The following DUS4L variants were observed in gnomAD, a reference collection of about 807,000 sequenced individuals.
The protein encoded by DUS4L is dihydrouridine synthase 4 like, also known as tRNA-dihydrouridine(20a/20b) synthase [NAD(P)+]-like.
DUS4L carries 31 observed loss-of-function variants against 33.8 expected under a neutral mutation model. That is an observed-to-expected ratio of 0.92 (90% CI 0.69 to 1.24). DUS4L has a LOEUF of 1.24. DUS4L is among the 50% of genes most tolerant of loss of function. DUS4L has a pLI of 0.00. For synonymous variants in DUS4L, 103 were observed against 120.3 expected, an observed-to-expected ratio of 0.86 and a Z score of 0.94; for missense variants, 368 against 388.6, an observed-to-expected ratio of 0.95 and a Z score of 0.45.
rs1804294075 is a variant in DUS4L, at chr7:107,564,073, G to A, written c.-247G>A. On this transcript the variant is annotated 5_prime_UTR_variant, in exon 1 of 8. Transcript: ENST00000265720. Reference sequence around the variant, plus strand: ...GGAGCCGCGCAGGTACTCGAGCAGTGGGCGCCCAGGGTCCGAGTGCTCTGC... The same window carrying A: ...GGAGCCGCGCAGGTACTCGAGCAGTAGGCGCCCAGGGTCCGAGTGCTCTGC... 7 of 1,422,004 alleles carry A rather than the reference G, an allele frequency of 4.9e-6. No individual in the cohort carries two copies. The Admixed American group carries it at 1.2e-4, about 24-fold the overall frequency. The allele number at this position is 1,422,004 out of a possible 1,614,324, so 88.1% of individuals were successfully genotyped here. A position where few individuals can be genotyped will look rare whatever the true frequency, so the allele number is the denominator to read the frequency against.
Position 107,577,718 on chromosome 7 carries a change from G to A in DUS4L, c.*158G>A, listed in dbSNP as rs1207066742. On this transcript the variant is annotated 3_prime_UTR_variant, in exon 8 of 8. Transcript: ENST00000265720. ...ATCAGTTGTAGACACCACCCTCAGA[G>A]ATTCTGATTAGGTAGATCTGGAGTA... 4.3e-6 allele frequency: 3 copies of A among 696,500 alleles called. No individual in the cohort carries two copies. The highest frequency in any genetic ancestry group is 6.8e-6 in the Non-Finnish European group (3 of 438,300). The allele number at this position is 696,500 out of a possible 1,614,324, so 43.1% of individuals were successfully genotyped here. A position where few individuals can be genotyped will look rare whatever the true frequency, so the allele number is the denominator to read the frequency against.
At chr7:107,567,660 AT>A in intron 3 of DUS4L, 1 of 314,614 alleles carries the variant, frequency 3.2e-6, no homozygotes, top group South Asian at 2.8e-5. Flanking sequence ...GTAACATAAA[AT>A]TTACCTCTCG....
rs763349766 is a variant in DUS4L, at chr7:107,578,334, G to C, written c.*774G>C. ...GTAACTTTAAAGTCCCATGGTTTTG[G>C]AGTGTTATTAATAGATTTTGTTATC... On this transcript the variant is annotated 3_prime_UTR_variant, in exon 8 of 8. Coordinates refer to ENST00000265720, the MANE Select transcript of DUS4L (RefSeq NM_181581.3). The C allele has an allele frequency of 6.6e-6, 1 of 152,100 alleles. No individual in the cohort carries two copies. Among genetic ancestry groups the C allele is most frequent in the African/African-American group, 2.4e-5 (1 of 41,414 alleles). 9.4% of individuals were successfully genotyped at this position (152,100 alleles called of 1,614,324 possible). A position where few individuals can be genotyped will look rare whatever the true frequency, so the allele number is the denominator to read the frequency against.
In DUS4L at chr7:107,572,756, G is replaced by A. The variant is rs190843189; in HGVS notation, c.239-948G>A. Among the ~76,000 whole-genome samples, 25 of 151,982 alleles carry A rather than the reference G, an allele frequency of 1.6e-4. No homozygotes were observed. The East Asian group carries it at 4.1e-3, about 25-fold the overall frequency. On this transcript the variant is annotated intron_variant, in intron 4 of 7. Coordinates refer to ENST00000265720, the MANE Select transcript of DUS4L (RefSeq NM_181581.3). ...TCCTAGCTACTTGGGAGACTGAGCC[G>A]GAGAATCACTTGAACCTGGGACGCA...
chr7:107,567,589 C>A (rs1033951722), intron 3 of DUS4L, among the ~76,000 whole-genome samples: 1 of 152,092 alleles, frequency 6.6e-6, no homozygotes, highest in African/African-American at 2.4e-5. Flanking sequence ...TGCTCATCTT[C>A]TAATTGGATT....
chr7:107,564,782 G>A (rs1222034923), intron 2 of DUS4L, 106 bp downstream of exon 2: 1 of 152,126 alleles, frequency 6.6e-6, no homozygotes, highest in Non-Finnish European at 1.5e-5. Flanking sequence ...GCAACCACAA[G>A]TATGCAAGAC....
At chr7:107,577,270 G>A in intron 7 of DUS4L, 43 bp from the exon 8 acceptor site, 1 of 1,602,482 alleles carries the variant, frequency 6.2e-7, no homozygotes, top group Non-Finnish European at 8.5e-7. Context: ...AATAACCAGG[G>A]GTTCTTAATG....
chr7:107,566,516 A>G (rs1804717450), intron 2 of DUS4L, among the ~76,000 whole-genome samples: 1 of 152,192 alleles, frequency 6.6e-6, no homozygotes, highest in Non-Finnish European at 1.5e-5. Context: ...AAAATTTTTA[A>G]AAATAATTAA....
At chr7:107,573,365 T>C (rs1312901468) in intron 4 of DUS4L, among the ~76,000 whole-genome samples, 2 of 152,214 alleles carry the variant, frequency 1.3e-5, no homozygotes, top group African/African-American at 4.8e-5. Context: ...CAGTGGTATA[T>C]ATAGATTGTT....
At chr7:107,566,654 A>C (rs1804733146) in intron 2 of DUS4L, among the ~76,000 whole-genome samples, 1 of 152,188 alleles carries the variant, frequency 6.6e-6, no homozygotes, top group Non-Finnish European at 1.5e-5. Flanking sequence ...TTCCTGAATA[A>C]AACAAGATAT....
At position 107,573,713 on chromosome 7, in the gene DUS4L, C is replaced by G. The variant is rs773215364; in HGVS notation, c.248C>G (p.Pro83Arg). ...SEFTTNQGDC[P>R]LIVQFAANDA... Reference sequence around the variant, plus strand: ...CTATTCATTTTGTCAGGTGATTGCCCATTGATTGTTCAGTTTGCTGCTAAC... The same window carrying G: ...CTATTCATTTTGTCAGGTGATTGCCGATTGATTGTTCAGTTTGCTGCTAAC... The change falls in exon 5 of 8, where the codon CCA becomes CGA. Residue 83 changes from proline to arginine, a missense_variant. Pro to Arg is a moderately radical substitution (Grantham distance 103). Transcript: ENST00000265720. 1 of 1,607,280 alleles carries G rather than the reference C, an allele frequency of 6.2e-7. No individual in the cohort carries two copies. Among genetic ancestry groups the G allele is most frequent in the South Asian group, 1.1e-5 (1 of 89,628 alleles).
chr7:107,565,016 C>T (rs1451297542), intron 2 of DUS4L, among the ~76,000 whole-genome samples: 1 of 152,174 alleles, frequency 6.6e-6, no homozygotes, highest in East Asian at 1.9e-4. Context: ...AAGTCTTATG[C>T]TACACTGCAT....
At chr7:107,568,221 A>T (rs778280694) in intron 3 of DUS4L, among the ~76,000 whole-genome samples, 5 of 152,160 alleles carry the variant, frequency 3.3e-5, no homozygotes, top group African/African-American at 1.2e-4. Context: ...TTGCTGGATC[A>T]TATGGTGATT....
At chr7:107,571,303 T>C (rs1311708446) in intron 4 of DUS4L, 37 bp downstream of exon 4, 2 of 1,577,296 alleles carry the variant, frequency 1.3e-6, no homozygotes, top group South Asian at 1.2e-5. Context: ...TGTAAAACTT[T>C]TTAAATTTGT....
intron 3 of DUS4L, among the ~76,000 whole-genome samples, chr7:107,568,996 G>C (rs1415638906): frequency 6.6e-6 from 1 of 152,224 alleles, no homozygotes; most frequent in African/African-American, 2.4e-5. Context: ...TTTGAGGTCA[G>C]GAGTTCGAGA....
chr7:107,577,678 G>C lies in DUS4L; in HGVS notation c.*118G>C. On this transcript the variant is annotated 3_prime_UTR_variant, in exon 8 of 8. Coordinates refer to ENST00000265720, the MANE Select transcript of DUS4L (RefSeq NM_181581.3). ...ATTTTAGTATAAAAACAATTCCTGG[G>C]AGCGTTTTTTAAAAATCAGTTGTAG... is the stretch of plus-strand genomic sequence containing the variant. The C allele has an allele frequency of 8.3e-7, 1 of 1,203,142 alleles. No individual in the cohort carries two copies. The highest frequency in any genetic ancestry group is 1.1e-6 in the Non-Finnish European group (1 of 884,454). The allele number at this position is 1,203,142 out of a possible 1,614,324, so 74.5% of individuals were successfully genotyped here. A position where few individuals can be genotyped will look rare whatever the true frequency, so the allele number is the denominator to read the frequency against.
Position 107,567,147 on chromosome 7 carries a change from A to G in DUS4L, c.77A>G (p.Gln26Arg). 1 of 1,613,662 alleles carries G rather than the reference A, an allele frequency of 6.2e-7. No homozygotes were observed. Among genetic ancestry groups the G allele is most frequent in the Non-Finnish European group, 8.5e-7 (1 of 1,179,728 alleles). Residue 26 changes from glutamine to arginine, a missense_variant, in exon 3 of 8, where the codon CAG becomes CGG. Transcript: ENST00000265720. Reference protein sequence around the residue: ...KDPIEMFHSGQLVKVCAPMVR... With the variant: ...KDPIEMFHSGRLVKVCAPMVR... ...CCCATAGAAATGTTTCATTCTGGAC[A>G]GCTGGTAAAAGTCTGTGCCCCAATG...
chr7:107,574,135 A>T (rs1805516252), intron 5 of DUS4L, among the ~76,000 whole-genome samples: 1 of 152,122 alleles, frequency 6.6e-6, no homozygotes, highest in Admixed American at 6.5e-5. Flanking sequence ...GTTTACGGCA[A>T]TCCCTAAAAT....
intron 4 of DUS4L, 77 bp from the exon 5 acceptor site, chr7:107,573,627 C>G (rs1221980428): frequency 3.5e-6 from 5 of 1,410,160 alleles, no homozygotes; most frequent in Non-Finnish European, 4.7e-6. Context: ...TTATCCTGTA[C>G]AAACATTAAA....
Sources: gnomAD v4.1 joint callset for allele counts (sites outside exome capture counted in the v4.1 genomes callset) on GRCh38, gnomAD v4.1.1 for gene constraint, MANE v1.5 for transcripts, NCBI Gene and HGNC (gene_info 2026-07-23, HGNC 2026-07-21) for gene names.